Variants in WDHD1 observed in about 807,000 individuals in gnomAD.
WDHD1 encodes WD repeat and HMG-box DNA binding protein 1.
Under a neutral mutation model 135.4 loss-of-function variants are expected in WDHD1, and 111 were observed. The observed-to-expected ratio is 0.82, with a 90% CI of 0.70 to 0.96. The LOEUF (loss-of-function observed/expected upper bound fraction) is 0.96. Among genes scored for constraint, WDHD1 ranks in the 40% least tolerant of loss-of-function variants. The pLI is 0.00. For synonymous variants in WDHD1, 434 were observed against 439.0 expected, an observed-to-expected ratio of 0.99 and a Z score of 0.14; for missense variants, 1,351 against 1,336.3, an observed-to-expected ratio of 1.01 and a Z score of -0.17.
In WDHD1 at chr14:54,981,589, A is replaced by G; in HGVS notation, c.2014T>C (p.Ser672Pro). The change falls in exon 16 of 26, where the codon TCT (serine) becomes CCT (proline). Residue 672 changes from serine (S) to proline (P), a missense_variant. Coordinates refer to ENST00000360586, the MANE Select transcript of WDHD1 (RefSeq NM_007086.4). The part of the protein sequence containing the change: ...CNTREHCKGK[S>P]DHYWVVGIHE... Reference sequence around the variant, plus strand: ...ATACCAACCACCCAGTAGTGATCAGATTTTCCTTTGCAGTGCTCTCTTGTA... The same window carrying G: ...ATACCAACCACCCAGTAGTGATCAGGTTTTCCTTTGCAGTGCTCTCTTGTA... 1 of 1,613,646 alleles carries G rather than the reference A, an allele frequency of 6.2e-7. No homozygotes were observed. Among genetic ancestry groups the G allele is most frequent in the Non-Finnish European group, 8.5e-7 (1 of 1,179,866 alleles).
intron 16 of WDHD1, among the ~76,000 whole-genome samples, chr14:54,977,822 G>C (rs1486766171): frequency 6.6e-6 from 1 of 151,466 alleles, no homozygotes; most frequent in Non-Finnish European, 1.5e-5. Flanking sequence ...AATGTTACCA[G>C]CTGTAATTAT....
rs759256842 is a variant in WDHD1 at position 54,962,740 on chromosome 14, G to C, written c.2645C>G (p.Pro882Arg). The change falls in exon 20 of 26, where the codon CCT becomes CGT. Residue 882 changes from proline to arginine, a missense_variant and splice_region_variant. This residue lies in a region of WDHD1 where 1,330 missense variants were observed against 1,296.1 expected (regional missense o/e 1.03). Coordinates refer to ENST00000360586, the MANE Select transcript of WDHD1 (RefSeq NM_007086.4). ...DDEEKPEIHK[P>R]GQNSFSKSTN... ...ATGGGCTTGAAAATGTATCTCACCA[G>C]GCTTATGTATTTCTGGTTTTTCTTC... 1.8e-5 allele frequency: 29 copies of C among 1,613,536 alleles called. No individual in the cohort carries two copies. In the East Asian group the frequency reaches 6.5e-4, roughly 36 times the overall value.
chr14:54,976,207 T>C (rs1319492225), intron 16 of WDHD1, among the ~76,000 whole-genome samples: 1 of 152,126 alleles, frequency 6.6e-6, no homozygotes. Context: ...GCATTAAAAA[T>C]GCAAATAAAT....
intron 16 of WDHD1, among the ~76,000 whole-genome samples, chr14:54,977,549 T>A (rs2041544914): frequency 2.0e-5 from 3 of 152,188 alleles, no homozygotes; most frequent in African/African-American, 4.8e-5. Flanking sequence ...AAATATTCTT[T>A]ATTAGCTGAT....
At position 54,958,423 on chromosome 14, in the gene WDHD1, G is replaced by A. The variant is rs533281849; in HGVS notation, c.2702-788C>T. On this transcript the variant is annotated intron_variant, in intron 21 of 25. Coordinates refer to ENST00000360586, the MANE Select transcript of WDHD1 (RefSeq NM_007086.4). Reference sequence around the variant, plus strand: ...ATTACAAGCATGAGCCACCACGCCCGGTCATCCAGCCAAATTTTTCCAAGA... The same window carrying A: ...ATTACAAGCATGAGCCACCACGCCCAGTCATCCAGCCAAATTTTTCCAAGA... Among the ~76,000 whole-genome samples, 10 of 152,164 alleles carry A rather than the reference G, an allele frequency of 6.6e-5. No individual in the cohort carries two copies. In the East Asian group the frequency reaches 1.5e-3, roughly 23 times the overall value.
intron 16 of WDHD1, among the ~76,000 whole-genome samples, chr14:54,978,916 C>T (rs2041571952): frequency 6.6e-6 from 1 of 152,136 alleles, no homozygotes. Context: ...TTTTCCCTTT[C>T]CAGAACTGAT....
At chr14:54,954,705 G>A (rs1382998639) in intron 24 of WDHD1, among the ~76,000 whole-genome samples, 1 of 152,098 alleles carries the variant, frequency 6.6e-6, no homozygotes, top group East Asian at 1.9e-4. Context: ...TGATAGCCTT[G>A]CTATAGTATA....
Position 54,941,582 on chromosome 14 carries a change from C to T in WDHD1, c.3298G>A (p.Ala1100Thr). The T allele has an allele frequency of 6.2e-7, 1 of 1,613,896 alleles. No homozygotes were observed. The highest frequency in any genetic ancestry group is 8.5e-7 in the Non-Finnish European group (1 of 1,179,912). The change falls in exon 26 of 26, where the codon GCA (alanine) becomes ACA (threonine). Residue 1100 changes from alanine (A) to threonine (T), a missense_variant. Around this residue, in one of 2 missense-constraint regions of WDHD1, gnomAD observed 1,330 missense variants for 1,296.1 expected, o/e 1.03. Coordinates refer to ENST00000360586, the MANE Select transcript of WDHD1 (RefSeq NM_007086.4). ...TTAGACAAATTCAGGTTCTCTTTTG[C>T]TTTTTCTTCCTGGTTTTCTGTTTCA... ...SDETENQEEKAKENLNLSKKQ... is the reference protein window; with the variant it reads ...SDETENQEEKTKENLNLSKKQ...
At chr14:54,999,690 G>A (rs957619566) in intron 10 of WDHD1, among the ~76,000 whole-genome samples, 2 of 152,108 alleles carry the variant, frequency 1.3e-5, no homozygotes, top group Non-Finnish European at 2.9e-5. Context: ...TCAACCTCCT[G>A]GGCTCTAGTG....
intron 13 of WDHD1, 143 bp downstream of exon 13, chr14:54,988,885 T>C: frequency 1.6e-6 from 1 of 616,154 alleles, no homozygotes; most frequent in South Asian, 2.7e-5. Flanking sequence ...GTATTTTGGG[T>C]GTGCTGGTGT....
At chr14:54,949,053 A>G (rs1160504963) in intron 24 of WDHD1, among the ~76,000 whole-genome samples, 2 of 152,322 alleles carry the variant, frequency 1.3e-5, no homozygotes, top group East Asian at 3.9e-4. Flanking sequence ...GATTGGGGAA[A>G]AAACAGAGCA....
chr14:54,972,085 A>G (rs1489488936), intron 16 of WDHD1, among the ~76,000 whole-genome samples: 1 of 151,938 alleles, frequency 6.6e-6, no homozygotes, highest in Non-Finnish European at 1.5e-5. Context: ...ATCCTGGCTA[A>G]CACAGTGAAA....
chr14:54,965,555 A>ACT (rs2041326656), intron 18 of WDHD1, among the ~76,000 whole-genome samples: 4 of 152,336 alleles, frequency 2.6e-5, no homozygotes, highest in Middle Eastern at 3.4e-3. Context: ...AGTGGTTCTC[A>ACT]GTTACCTTGA....
intron 3 of WDHD1, among the ~76,000 whole-genome samples, chr14:55,011,071 G>A (rs1390535080): frequency 6.6e-6 from 1 of 152,206 alleles, no homozygotes; most frequent in Admixed American, 6.5e-5. Context: ...CTTGCCTTCT[G>A]AACTGTGAGA....
At chr14:55,015,785 G>A (rs1159822679) in intron 2 of WDHD1, among the ~76,000 whole-genome samples, 1 of 151,006 alleles carries the variant, frequency 6.6e-6, no homozygotes, top group African/African-American at 2.4e-5. Flanking sequence ...TGCAACCTCT[G>A]CCTCCCGGGT....
chr14:54,966,261 G>A (rs1021635413), intron 18 of WDHD1, among the ~76,000 whole-genome samples: 3 of 151,546 alleles, frequency 2.0e-5, no homozygotes, highest in African/African-American at 7.3e-5. Context: ...CGTGAACCCG[G>A]GAGGCAGAGG....
At chr14:54,998,630 ATT>A (rs201947982) in intron 10 of WDHD1, among the ~76,000 whole-genome samples, 1 of 149,570 alleles carries the variant, frequency 6.7e-6, no homozygotes, top group Non-Finnish European at 1.5e-5. Flanking sequence ...TTCTAGTAGA[ATT>A]TTTTTTTTTC....
At chr14:54,961,816 C>T (rs1385432714) in intron 21 of WDHD1, among the ~76,000 whole-genome samples, 1 of 152,042 alleles carries the variant, frequency 6.6e-6, no homozygotes, top group Non-Finnish European at 1.5e-5. Flanking sequence ...AGGCCCACTC[C>T]CTGTACGCAA....
chr14:54,960,012 A>G (rs1308870303), intron 21 of WDHD1, among the ~76,000 whole-genome samples: 1 of 152,138 alleles, frequency 6.6e-6, no homozygotes, highest in Non-Finnish European at 1.5e-5. Context: ...TTCTATTACA[A>G]GAAACTGAGA....
Sources: allele counts gnomAD v4.1 joint callset (sites outside exome capture counted in the v4.1 genomes callset), GRCh38; gene constraint gnomAD v4.1.1; regional missense constraint gnomAD v4.1.1; transcripts MANE v1.5; gene names NCBI Gene and HGNC (gene_info 2026-07-23, HGNC 2026-07-21).